HPSE2: variants seen among roughly 807,000 people sequenced by gnomAD.
HPSE2 encodes the protein heparanase 2 (inactive), also known as inactive heparanase-2.
In HPSE2, 38 loss-of-function variants were observed where a neutral mutation model predicts 60.5. The ratio of observed to expected loss-of-function variants is 0.63; its 90% CI spans 0.48 to 0.82. The LOEUF is 0.82. HPSE2 is among the 40% of genes least tolerant of loss of function. HPSE2 has a pLI of 0.00. For synonymous variants in HPSE2, 295 were observed against 293.2 expected, an observed-to-expected ratio of 1.01 and a Z score of -0.06; for missense variants, 713 against 740.4, an observed-to-expected ratio of 0.96 and a Z score of 0.43.
intron 9 of HPSE2, among the ~76,000 whole-genome samples, chr10:98,610,278 C>T (rs1312474578): frequency 6.6e-6 from 1 of 152,194 alleles, no homozygotes; most frequent in African/African-American, 2.4e-5. Flanking sequence ...TTGTCTCTAA[C>T]ACTTTGGAGG....
At chr10:99,055,709 A>C (rs937794014) in intron 3 of HPSE2, among the ~76,000 whole-genome samples, 1 of 152,250 alleles carries the variant, frequency 6.6e-6, no homozygotes, top group South Asian at 2.1e-4. Flanking sequence ...ATTAAATAAC[A>C]TATTTCTAAA....
intron 3 of HPSE2, among the ~76,000 whole-genome samples, chr10:98,798,094 C>T (rs963204224): frequency 8.6e-5 from 13 of 151,972 alleles, no homozygotes; most frequent in Non-Finnish European, 1.9e-4. Flanking sequence ...GATGGAATAA[C>T]ATACAATGGA....
chr10:99,140,774 C>T (rs1369267148), intron 3 of HPSE2, among the ~76,000 whole-genome samples: 1 of 152,186 alleles, frequency 6.6e-6, no homozygotes, highest in Non-Finnish European at 1.5e-5. Context: ...TGCGGTGGCT[C>T]ACGCCTTTAA....
intron 6 of HPSE2, among the ~76,000 whole-genome samples, chr10:98,684,241 C>T (rs1210862830): frequency 6.6e-6 from 1 of 152,082 alleles, no homozygotes; most frequent in Non-Finnish European, 1.5e-5. Context: ...GGAAACACGG[C>T]AATCAACCCG....
intron 9 of HPSE2, among the ~76,000 whole-genome samples, chr10:98,539,900 A>G (rs191711537): frequency 6.6e-6 from 1 of 152,294 alleles, no homozygotes; most frequent in East Asian, 1.9e-4. Context: ...TTCGCCCTGC[A>G]CCCTTCAACA....
At chr10:99,108,126 A>T (rs1397385497) in intron 3 of HPSE2, among the ~76,000 whole-genome samples, 1 of 152,206 alleles carries the variant, frequency 6.6e-6, no homozygotes, top group Non-Finnish European at 1.5e-5. Flanking sequence ...GATAGTTCAG[A>T]GCGCCTGGAA....
chr10:99,114,564 A>G (rs1007916705), intron 3 of HPSE2, among the ~76,000 whole-genome samples: 9 of 152,216 alleles, frequency 5.9e-5, no homozygotes, highest in African/African-American at 2.2e-4. Flanking sequence ...ATTCATAAAG[A>G]CAAAGTTTCA....
At chr10:99,269,429 T>C in the HPSE2 span, among the ~76,000 whole-genome samples, 1 of 152,094 alleles carries the variant, frequency 6.6e-6, no homozygotes, top group African/African-American at 2.4e-5. Context: ...TATATGTAAC[T>C]AACACTGGAG....
Position 98,881,066 on chromosome 10 carries a change from C to T in HPSE2, c.611-137010G>A, listed in dbSNP as rs560272574. ...GGACAGCTCTCAGGACCCAATAATC[C>T]CTGCCCAGAAGTATAGCTTTGTTTG... On this transcript the variant is annotated intron_variant, in intron 3 of 11. Coordinates refer to ENST00000370552, the MANE Select transcript of HPSE2 (RefSeq NM_021828.5). Among the ~76,000 whole-genome samples the T allele has an allele frequency of 1.1e-4, 17 of 152,152 alleles. No individual in the cohort carries two copies. In the East Asian group the frequency reaches 2.7e-3, roughly 24 times the overall value.
intron 11 of HPSE2, 135 bp downstream of exon 11, chr10:98,482,501 C>A: frequency 1.9e-6 from 2 of 1,070,348 alleles, no homozygotes; most frequent in South Asian, 2.6e-5. Context: ...AGTCACCTGA[C>A]CCCAGACCGC....
chr10:99,145,405 G>A (rs1453153877), intron 2 of HPSE2, among the ~76,000 whole-genome samples: 2 of 151,346 alleles, frequency 1.3e-5, no homozygotes, highest in Admixed American at 6.6e-5. Flanking sequence ...GCAGTGAGCC[G>A]AGATTGCACC....
chr10:98,829,282 C>A (rs910914441), intron 3 of HPSE2, among the ~76,000 whole-genome samples: 1 of 152,118 alleles, frequency 6.6e-6, no homozygotes, highest in Non-Finnish European at 1.5e-5. Context: ...GTAATCCCAG[C>A]ACTTTGGGAG....
At chr10:98,727,099 A>T (rs1055834410) in intron 4 of HPSE2, among the ~76,000 whole-genome samples, 1 of 152,140 alleles carries the variant, frequency 6.6e-6, no homozygotes, top group Non-Finnish European at 1.5e-5. Flanking sequence ...AAATAAAAAA[A>T]CTTAAGAGAT....
chr10:98,552,831 G>T (rs1262545568), intron 9 of HPSE2, among the ~76,000 whole-genome samples: 5 of 151,974 alleles, frequency 3.3e-5, no homozygotes, highest in Non-Finnish European at 7.4e-5. Context: ...GAACCTCAAA[G>T]ACATCCCATA....
chr10:99,095,462 T>C (rs1431132753), intron 3 of HPSE2, among the ~76,000 whole-genome samples: 1 of 152,332 alleles, frequency 6.6e-6, no homozygotes, highest in East Asian at 1.9e-4. Context: ...TAGTTTTTAG[T>C]ATATTTATAG....
At chr10:98,924,294 C>T (rs192777568) in intron 3 of HPSE2, among the ~76,000 whole-genome samples, 117 of 152,324 alleles carry the variant, frequency 7.7e-4, no homozygotes, top group African/African-American at 1.2e-3. Flanking sequence ...GTGGCCACCA[C>T]CACTGGGACT....
chr10:99,206,614 T>G (rs1261215861), intron 2 of HPSE2, among the ~76,000 whole-genome samples: 1 of 150,424 alleles, frequency 6.6e-6, no homozygotes, highest in Non-Finnish European at 1.5e-5. Context: ...AAATTGGCAC[T>G]CCTAACCCCC....
chr10:99,117,573 A>G (rs1365219808), intron 3 of HPSE2, among the ~76,000 whole-genome samples: 2 of 152,014 alleles, frequency 1.3e-5, no homozygotes, highest in East Asian at 3.8e-4. Context: ...AATCATAAGC[A>G]ATTATTATAA....
At chr10:98,592,971 A>G (rs1945131177) in intron 9 of HPSE2, among the ~76,000 whole-genome samples, 1 of 152,256 alleles carries the variant, frequency 6.6e-6, no homozygotes, top group Admixed American at 6.5e-5. Flanking sequence ...TGCAGCAGCT[A>G]TAACTGCTCC....
Sources: allele counts gnomAD v4.1 joint callset (sites outside exome capture counted in the v4.1 genomes callset), GRCh38; gene constraint gnomAD v4.1.1; transcripts MANE v1.5; gene names NCBI Gene and HGNC (gene_info 2026-07-23, HGNC 2026-07-21).